Variants in CXCL10 observed in about 807,000 individuals in gnomAD.
CXCL10 encodes the protein C-X-C motif chemokine 10.
In CXCL10, 6 loss-of-function variants were observed where a neutral mutation model predicts 10.8. That is an observed-to-expected ratio of 0.55 (90% CI 0.30 to 1.09). CXCL10 has a LOEUF of 1.09. Ranked by LOEUF, CXCL10 falls within the 50% of genes least tolerant of loss-of-function variation. The pLI is 0.06. For missense variants in CXCL10, 114 were observed against 114.3 expected (o/e 1.00, Z 0.01); for synonymous variants, 35 against 35.8 (o/e 0.98, Z 0.08).
At position 76,021,833 on chromosome 4, in the gene CXCL10, G is replaced by C. The variant is rs1560576972; in HGVS notation, c.*97C>G. 2 of 1,187,276 alleles carry C rather than the reference G, an allele frequency of 1.7e-6. No individual in the cohort carries two copies. Among genetic ancestry groups the C allele is most frequent in the South Asian group, 2.5e-5 (2 of 80,608 alleles). 73.5% of individuals were successfully genotyped at this position (1,187,276 alleles called of 1,614,324 possible). The stretch of plus-strand genomic sequence containing the variant: ...GTAACTGCAAACTAAGAACAATTAT[G>C]GCTTGACATATACTCCATGTAGGGA... On this transcript the variant is annotated 3_prime_UTR_variant, in exon 4 of 4. Coordinates refer to ENST00000306602, the MANE Select transcript of CXCL10 (RefSeq NM_001565.4).
chr4:76,021,927 G>A lies in CXCL10; in HGVS notation c.*3C>T. On this transcript the variant is annotated 3_prime_UTR_variant, in exon 4 of 4. Transcript: ENST00000306602. ...ACTGCATCGATTTTGCTCCCCTCTG[G>A]TTTTAAGGAGATCTTTTAGACCTGT... 1 of 1,611,670 alleles carries A rather than the reference G, an allele frequency of 6.2e-7. No homozygotes were observed. The highest frequency in any genetic ancestry group is 2.2e-5 in the East Asian group (1 of 44,856).
At chr4:76,023,005 A>G (rs1733013720) in intron 1 of CXCL10, among the ~76,000 whole-genome samples, 188 bp from the exon 2 acceptor site, 1 of 152,218 alleles carries the variant, frequency 6.6e-6, no homozygotes, top group Non-Finnish European at 1.5e-5. Flanking sequence ...GAAGAAAAGA[A>G]TTGCAGCTTG....
chr4:76,021,705 G>A lies in CXCL10; in HGVS notation c.*225C>T. 3 of 559,086 alleles carry A rather than the reference G, an allele frequency of 5.4e-6. No homozygotes were observed. The highest frequency in any genetic ancestry group is 9.7e-6 in the Non-Finnish European group (3 of 310,000). The allele number at this position is 559,086 out of a possible 1,614,324, so 34.6% of individuals were successfully genotyped here. A position where few individuals can be genotyped will look rare whatever the true frequency, so the allele number is the denominator to read the frequency against. ...ACCTCAGTAGAGCTTACATTATAGT[G>A]CCAGGGTAGAGTTATTACTGAATAG... On this transcript the variant is annotated 3_prime_UTR_variant, in exon 4 of 4. Coordinates refer to ENST00000306602, the MANE Select transcript of CXCL10 (RefSeq NM_001565.4).
Position 76,021,185 on chromosome 4 carries a change from G to A in CXCL10, c.*745C>T, listed in dbSNP as rs1365330678. ...TAGATAGTCTTTCTTAATATTTCCAGGAGAGTACCTCATTTTTATTTTGAA... is the reference window on the plus strand; with the variant it reads ...TAGATAGTCTTTCTTAATATTTCCAAGAGAGTACCTCATTTTTATTTTGAA... On this transcript the variant is annotated 3_prime_UTR_variant, in exon 4 of 4. Transcript: ENST00000306602. The A allele has an allele frequency of 2.0e-5, 3 of 152,116 alleles. No individual in the cohort carries two copies. Among genetic ancestry groups the A allele is most frequent in the South Asian group, 2.1e-4 (1 of 4,824 alleles). 9.4% of individuals were successfully genotyped at this position (152,116 alleles called of 1,614,324 possible).
intron 1 of CXCL10, 63 bp from the exon 2 acceptor site, chr4:76,022,880 G>A (rs1045866546): frequency 3.2e-6 from 5 of 1,544,048 alleles, no homozygotes; most frequent in Non-Finnish European, 4.4e-6. Flanking sequence ...ATTTAATGTA[G>A]ACTGGTGGTA....
intron 1 of CXCL10, 141 bp downstream of exon 1, chr4:76,023,229 TC>T (rs1192022779): frequency 1.5e-6 from 1 of 668,888 alleles, no homozygotes; most frequent in Non-Finnish European, 2.6e-6. Flanking sequence ...AGTTTTATGA[TC>T]TGAGGGAATC....
rs1175655613 is a variant in CXCL10 at position 76,021,813 on chromosome 4, T to A, written c.*117A>T. The A allele has an allele frequency of 3.1e-5, 32 of 1,034,720 alleles. No homozygotes were observed. In the East Asian group the frequency reaches 7.1e-4, roughly 23 times the overall value. 64.1% of individuals were successfully genotyped at this position (1,034,720 alleles called of 1,614,324 possible). On this transcript the variant is annotated 3_prime_UTR_variant, in exon 4 of 4. Transcript: ENST00000306602. ...ATCATTGGTCACCTTTTAGTGTAAC[T>A]GCAAACTAAGAACAATTATGGCTTG...
At chr4:76,022,925 G>A in intron 1 of CXCL10, 108 bp from the exon 2 acceptor site, 1 of 1,123,208 alleles carries the variant, frequency 8.9e-7, no homozygotes, top group East Asian at 2.4e-5. Flanking sequence ...TCAGCAAATA[G>A]TCACTTAATC....
intron 1 of CXCL10, 85 bp downstream of exon 1, chr4:76,023,286 C>G: frequency 1.9e-6 from 2 of 1,072,990 alleles, no homozygotes; most frequent in Non-Finnish European, 2.8e-6. Context: ...GAAACTTTTA[C>G]AAATACATTA....
chr4:76,022,024 C>T (rs199515873), intron 3 of CXCL10, 76 bp from the exon 4 acceptor site: 1 of 1,324,696 alleles, frequency 7.5e-7, no homozygotes, highest in Non-Finnish European at 1.1e-6. Context: ...TTGGAAAGTA[C>T]CGAGTTCATA....
At chr4:76,022,047 G>GA in intron 3 of CXCL10, 99 bp from the exon 4 acceptor site, 3 of 1,131,940 alleles carry the variant, frequency 2.7e-6, no homozygotes, top group Non-Finnish European at 4.0e-6. Context: ...ATAGATAACT[G>GA]AGCTTTCCTG....
In CXCL10 at chr4:76,022,007, G is replaced by C. The variant is rs1732871442; in HGVS notation, c.279-59C>G. 4.8e-6 allele frequency: 7 copies of C among 1,468,472 alleles called. No individual in the cohort carries two copies. In the South Asian group the frequency reaches 7.9e-5, roughly 17 times the overall value. 91.0% of individuals were successfully genotyped at this position (1,468,472 alleles called of 1,614,324 possible). On this transcript the variant is annotated intron_variant, in intron 3 of 3. Coordinates refer to ENST00000306602, the MANE Select transcript of CXCL10 (RefSeq NM_001565.4). ...TAGTCTGACTCTGGCTTCAGATTGGGTTGTGTTTGGAAAGTACCGAGTTCA... is the reference window on the plus strand; with the variant it reads ...TAGTCTGACTCTGGCTTCAGATTGGCTTGTGTTTGGAAAGTACCGAGTTCA...
intron 1 of CXCL10, 90 bp downstream of exon 1, chr4:76,023,281 T>C (rs1452954337): frequency 1.9e-6 from 2 of 1,052,554 alleles, no homozygotes; most frequent in African/African-American, 3.2e-5. Flanking sequence ...GCAGTGAAAC[T>C]TTTACAAATA....
At position 76,023,364 on chromosome 4, in the gene CXCL10, T is replaced by A; in HGVS notation, c.61+7A>T. 1 of 1,605,526 alleles carries A rather than the reference T, an allele frequency of 6.2e-7. No individual in the cohort carries two copies. The highest frequency in any genetic ancestry group is 8.5e-7 in the Non-Finnish European group (1 of 1,172,230). ...TTACAAATTAAGTATCCTTTGATGT[T>A]CCTTACCTTGAATGCCACTTAGAGT... On this transcript the variant is annotated splice_region_variant and intron_variant, in intron 1 of 3. Coordinates refer to ENST00000306602, the MANE Select transcript of CXCL10 (RefSeq NM_001565.4).
Position 76,021,643 on chromosome 4 carries a change from T to C in CXCL10, c.*287A>G, listed in dbSNP as rs2149371564. 1 of 379,890 alleles carries C rather than the reference T, an allele frequency of 2.6e-6. No individual in the cohort carries two copies. Among genetic ancestry groups the C allele is most frequent in the Non-Finnish European group, 4.7e-6 (1 of 211,956 alleles). The allele number at this position is 379,890 out of a possible 1,614,324, so 23.5% of individuals were successfully genotyped here. On this transcript the variant is annotated 3_prime_UTR_variant, in exon 4 of 4. Coordinates refer to ENST00000306602, the MANE Select transcript of CXCL10 (RefSeq NM_001565.4). Reference sequence around the variant, plus strand: ...GAAGATGGGAAAGGTGAGGGAAATATTTGAAGCAGGGTCAGAACATCCACT... The same window carrying C: ...GAAGATGGGAAAGGTGAGGGAAATACTTGAAGCAGGGTCAGAACATCCACT...
chr4:76,021,893 C>T lies in CXCL10; in HGVS notation c.*37G>A, dbSNP rs542690649. The T allele has an allele frequency of 4.4e-6, 7 of 1,599,418 alleles. No homozygotes were observed. The South Asian group carries it at 4.4e-5, about 10-fold the overall frequency. On this transcript the variant is annotated 3_prime_UTR_variant, in exon 4 of 4. Coordinates refer to ENST00000306602, the MANE Select transcript of CXCL10 (RefSeq NM_001565.4). ...AGAGGCAGCCTCTGTGTGGTCCATC[C>T]TTGGAAGCACTGCATCGATTTTGCT... is the stretch of plus-strand genomic sequence containing the variant.
chr4:76,022,262 T>G, intron 3 of CXCL10, 104 bp downstream of exon 3: 1 of 952,898 alleles, frequency 1.0e-6, no homozygotes, highest in Non-Finnish European at 1.7e-6. Context: ...GGTAACATAC[T>G]TTTAAACCAG....
intron 3 of CXCL10, 59 bp downstream of exon 3, chr4:76,022,307 G>T: frequency 7.3e-7 from 1 of 1,376,816 alleles, no homozygotes; most frequent in South Asian, 1.2e-5. Context: ...AAGTATTTCT[G>T]ACTCCCAAGA....
chr4:76,023,399 A>T lies in CXCL10; in HGVS notation c.33T>A (p.Leu11=). Residue 11 remains leucine (L), a synonymous_variant, in exon 1 of 4, where the codon CTT becomes CTA. Transcript: ENST00000306602. ...GAATGCCACTTAGAGTCAGAAAGAT[A>T]AGGCAGCAAATCAGAATGGCAGTTT... MNQTAILICC[L]IFLTLSGIQG... is the part of the protein sequence containing the mutation. The T allele has an allele frequency of 6.2e-7, 1 of 1,613,972 alleles. No individual in the cohort carries two copies. Among genetic ancestry groups the T allele is most frequent in the African/African-American group, 1.3e-5 (1 of 75,054 alleles).
Sources: allele counts gnomAD v4.1 joint callset (sites outside exome capture counted in the v4.1 genomes callset), GRCh38; gene constraint gnomAD v4.1.1; transcripts MANE v1.5; gene names NCBI Gene and HGNC (gene_info 2026-07-23, HGNC 2026-07-21).